Variants in MCPH1 observed in about 807,000 individuals in gnomAD.
MCPH1 encodes microcephalin.
In MCPH1, 104 loss-of-function variants were observed where a neutral mutation model predicts 84.5. That is an observed-to-expected ratio of 1.23 (90% CI 1.05 to 1.45). The LOEUF (loss-of-function observed/expected upper bound fraction) is 1.45. Among genes scored for constraint, MCPH1 ranks in the 40% most tolerant of loss-of-function variants. The probability of loss-of-function intolerance (pLI) is 0.00; values close to 1 mark genes in which losing one functional copy is unlikely to be tolerated. For missense variants in MCPH1, 1,498 were observed against 1,005.7 expected (o/e 1.49, Z -6.62); for synonymous variants, 514 against 366.8 (o/e 1.40, Z -4.58).
At chr8:6,601,709 C>CACCACACACACACACCCAATCACAT (rs1301616656) in intron 12 of MCPH1, among the ~76,000 whole-genome samples, 4 of 151,000 alleles carry the variant, frequency 2.6e-5, no homozygotes, top group Admixed American at 6.6e-5. Flanking sequence ...ACACAACACA[C>CACCACACACACACACCCAATCACAT]ACCACACACA....
chr8:6,445,683 G>T lies in MCPH1; in HGVS notation c.1825+136G>T, dbSNP rs900211740. On this transcript the variant is annotated intron_variant, in intron 8 of 13. Coordinates refer to ENST00000344683, the MANE Select transcript of MCPH1 (RefSeq NM_024596.5). Reference sequence around the variant, plus strand: ...CTTTTTACTTAAAGAATGTGCATTTGATCATTCCAATGATAAACTCTTTAG... The same window carrying T: ...CTTTTTACTTAAAGAATGTGCATTTTATCATTCCAATGATAAACTCTTTAG... The T allele has an allele frequency of 5.6e-6, 8 of 1,441,424 alleles. No homozygotes were observed. The South Asian group carries it at 7.8e-5, about 14-fold the overall frequency. The allele number at this position is 1,441,424 out of a possible 1,614,324, so 89.3% of individuals were successfully genotyped here.
chr8:6,414,625 G>T, intron 2 of MCPH1, 140 bp from the exon 3 acceptor site: 1 of 783,680 alleles, frequency 1.3e-6, no homozygotes, highest in East Asian at 2.9e-5. Context: ...TATGTTTTAA[G>T]CAGCGTTATG....
chr8:6,513,046 G>C (rs575357538), intron 12 of MCPH1, among the ~76,000 whole-genome samples: 1 of 152,298 alleles, frequency 6.6e-6, no homozygotes, highest in African/African-American at 2.4e-5. Flanking sequence ...CTATTCATGT[G>C]ACATATTATC....
intron 13 of MCPH1, among the ~76,000 whole-genome samples, chr8:6,641,440 AG>A (rs1267585411): frequency 6.6e-6 from 1 of 152,244 alleles, no homozygotes; most frequent in Non-Finnish European, 1.5e-5. Flanking sequence ...ACATGGCAAA[AG>A]TTTGCATAAG....
chr8:6,535,892 CA>C (rs373792367), intron 12 of MCPH1, among the ~76,000 whole-genome samples: 12,037 of 130,662 alleles, frequency 0.092, 595 homozygotes, highest in African/African-American at 0.16. Flanking sequence ...ACAAAAAATA[CA>C]AAAAAAAAAA....
chr8:6,613,368 C>T (rs1047959947), intron 12 of MCPH1, among the ~76,000 whole-genome samples: 2 of 152,132 alleles, frequency 1.3e-5, no homozygotes, highest in East Asian at 1.9e-4. Context: ...GATGCCGGTG[C>T]AGAGAAGCTC....
At chr8:6,432,127 C>T (rs971371123) in intron 4 of MCPH1, among the ~76,000 whole-genome samples, 4 of 152,190 alleles carry the variant, frequency 2.6e-5, no homozygotes, top group Non-Finnish European at 5.9e-5. Flanking sequence ...CAAATCCTCC[C>T]GTATACCTAA....
chr8:6,637,763 C>A (rs751842433), intron 13 of MCPH1, among the ~76,000 whole-genome samples: 7 of 152,088 alleles, frequency 4.6e-5, no homozygotes, highest in Non-Finnish European at 1.0e-4. Flanking sequence ...AAAGTGCTGA[C>A]ACATGTTTTT....
intron 12 of MCPH1, among the ~76,000 whole-genome samples, chr8:6,515,618 C>T (rs1037094288): frequency 6.6e-6 from 1 of 152,104 alleles, no homozygotes; most frequent in East Asian, 1.9e-4. Context: ...AAATTAAAAA[C>T]CCCTGAAAAT....
chr8:6,553,612 A>G lies in MCPH1; in HGVS notation c.2214+53683A>G, dbSNP rs369020768. 2.7e-4 allele frequency among the ~76,000 whole-genome samples: 41 copies of G among 152,320 alleles called. 1 individual carries two copies. In the East Asian group the frequency reaches 5.4e-3, roughly 20 times the overall value. On this transcript the variant is annotated intron_variant, in intron 12 of 13. Transcript: ENST00000344683. The stretch of plus-strand genomic sequence containing the variant: ...CATATCCCTTTGCCATAGTTTGGCT[A>G]AATTCCTGAGGCTGGCTGGGGCCAG...
chr8:6,508,681 T>C, intron 12 of MCPH1: 2 of 599,024 alleles, frequency 3.3e-6, no homozygotes, highest in African/African-American at 1.9e-5. Flanking sequence ...AAATATCCCC[T>C]CTCCTTGCCA....
At position 6,459,352 on chromosome 8, in the gene MCPH1, T is replaced by A. The variant is rs571723779; in HGVS notation, c.1935+4100T>A. On this transcript the variant is annotated intron_variant, in intron 9 of 13. Transcript: ENST00000344683. ...GTGCAATGGCACAGTCTTGGCTCACTGCAACCTCTGCCTCCCGGGTTCAAG... is the reference window on the plus strand; with the variant it reads ...GTGCAATGGCACAGTCTTGGCTCACAGCAACCTCTGCCTCCCGGGTTCAAG... Among the ~76,000 whole-genome samples, 7 of 152,262 alleles carry A rather than the reference T, an allele frequency of 4.6e-5. No homozygotes were observed. In the South Asian group the frequency reaches 1.5e-3, roughly 32 times the overall value.
intron 13 of MCPH1, among the ~76,000 whole-genome samples, chr8:6,640,089 TGTGTGTGTGC>T (rs1174483906): frequency 4.0e-4 from 58 of 145,140 alleles, no homozygotes; most frequent in African/African-American, 1.3e-3. Context: ...TGTGTGTGTG[TGTGTGTGTGC>T]GCGCGCGTGT....
intron 12 of MCPH1, among the ~76,000 whole-genome samples, chr8:6,605,091 C>A (rs1829655413): frequency 6.6e-6 from 1 of 152,204 alleles, no homozygotes; most frequent in Non-Finnish European, 1.5e-5. Flanking sequence ...CCCTGTGAGT[C>A]TCAGTGGTCC....
rs1475399687 is a variant in MCPH1, at chr8:6,521,541, G to T, written c.2214+21612G>T. The T allele has an allele frequency of 7.4e-6, 5 of 674,374 alleles. No homozygotes were observed. In the Admixed American group the frequency reaches 1.5e-4, roughly 21 times the overall value. The allele number at this position is 674,374 out of a possible 1,614,324, so 41.8% of individuals were successfully genotyped here. On this transcript the variant is annotated intron_variant, in intron 12 of 13. Coordinates refer to ENST00000344683, the MANE Select transcript of MCPH1 (RefSeq NM_024596.5). ...GTTATAAAGTAATATGATGTTACCA[G>T]AGCCCTAAGGAATCTCTGAAACTTG...
At chr8:6,549,292 T>G (rs570094603) in intron 12 of MCPH1, among the ~76,000 whole-genome samples, 42 of 152,326 alleles carry the variant, frequency 2.8e-4, no homozygotes, top group African/African-American at 1.0e-3. Flanking sequence ...AAGAAGAAAC[T>G]TTAACATGCA....
Position 6,472,576 on chromosome 8 carries a change from C to T in MCPH1, c.1936-5018C>T, listed in dbSNP as rs577609320. Reference sequence around the variant, plus strand: ...CGCCTCCTGGGTTTCAAGCCATTCTCCTGCCCCAGCCTCCCAAGTAGCTGG... The same window carrying T: ...CGCCTCCTGGGTTTCAAGCCATTCTTCTGCCCCAGCCTCCCAAGTAGCTGG... On this transcript the variant is annotated intron_variant, in intron 9 of 13. Coordinates refer to ENST00000344683, the MANE Select transcript of MCPH1 (RefSeq NM_024596.5). Among the ~76,000 whole-genome samples, 3 of 152,174 alleles carry T rather than the reference C, an allele frequency of 2.0e-5. No individual in the cohort carries two copies. In the South Asian group the frequency reaches 6.2e-4, roughly 32 times the overall value.
chr8:6,543,952 A>G (rs577420556), intron 12 of MCPH1, among the ~76,000 whole-genome samples: 1 of 152,296 alleles, frequency 6.6e-6, no homozygotes, highest in African/African-American at 2.4e-5. Context: ...TATGTTTTGC[A>G]CCTTAATCTT....
Position 6,527,565 on chromosome 8 carries a change from C to G in MCPH1, c.2214+27636C>G, listed in dbSNP as rs190699250. On this transcript the variant is annotated intron_variant, in intron 12 of 13. Transcript: ENST00000344683. Reference sequence around the variant, plus strand: ...TAGTACTGTTATTACCTGTTCTTATCTTGCAATTTGTTTATTTCACTGGTC... The same window carrying G: ...TAGTACTGTTATTACCTGTTCTTATGTTGCAATTTGTTTATTTCACTGGTC... 5.6e-6 allele frequency: 9 copies of G among 1,613,716 alleles called. No homozygotes were observed. In the East Asian group the frequency reaches 1.6e-4, roughly 28 times the overall value.
Sources: allele counts gnomAD v4.1 joint callset (sites outside exome capture counted in the v4.1 genomes callset), GRCh38; gene constraint gnomAD v4.1.1; transcripts MANE v1.5; gene names NCBI Gene and HGNC (gene_info 2026-07-23, HGNC 2026-07-21).